Variants in TAF4B observed in about 807,000 individuals in gnomAD.
The protein encoded by TAF4B is transcription initiation factor TFIID subunit 4B.
In TAF4B, 38 loss-of-function variants were observed where a neutral mutation model predicts 86.4. The observed-to-expected ratio is 0.44, with a 90% CI of 0.34 to 0.58. TAF4B has a LOEUF of 0.58. Ranked by LOEUF, TAF4B falls within the 20% of genes least tolerant of loss-of-function variation. TAF4B has a pLI of 0.02. For synonymous variants in TAF4B, 388 were observed against 391.2 expected (o/e 0.99, Z 0.10); for missense variants, 988 against 1,027.6 (o/e 0.96, Z 0.53).
At chr18:26,237,623 G>A (rs1338215236) in intron 1 of TAF4B, among the ~76,000 whole-genome samples, 1 of 152,146 alleles carries the variant, frequency 6.6e-6, no homozygotes, top group African/African-American at 2.4e-5. Flanking sequence ...GTCCTCCTGT[G>A]GGATGTAGAT....
In TAF4B at chr18:26,227,117, C is replaced by T; in HGVS notation, c.184C>T (p.Leu62=). The T allele has an allele frequency of 6.2e-7, 1 of 1,613,510 alleles. No individual in the cohort carries two copies. The highest frequency in any genetic ancestry group is 8.5e-7 in the Non-Finnish European group (1 of 1,179,796). Residue 62 remains leucine (L), a synonymous_variant, in exon 1 of 15, where the codon CTG becomes TTG. Transcript: ENST00000269142. ...CGTGGAGCCCACGGCGTCCCAGCCCCTGCGGTCCCCCGTGGGGACCCTGGT... is the reference window on the plus strand; with the variant it reads ...CGTGGAGCCCACGGCGTCCCAGCCCTTGCGGTCCCCCGTGGGGACCCTGGT... The part of the protein sequence containing the change: ...VCVEPTASQP[L]RSPVGTLVTK...
chr18:26,298,997 G>T (rs771471356), intron 9 of TAF4B, among the ~76,000 whole-genome samples: 6 of 151,544 alleles, frequency 4.0e-5, no homozygotes, highest in Non-Finnish European at 5.9e-5. Flanking sequence ...GAGTAGCTGG[G>T]ATTACAGGCA....
At chr18:26,315,106 C>G (rs1204914090) in intron 9 of TAF4B, 123 bp from the exon 10 acceptor site, 1 of 201,052 alleles carries the variant, frequency 5.0e-6, no homozygotes, top group Non-Finnish European at 7.8e-6. Context: ...CTCTCTCTCT[C>G]TCTCTCTCTC....
intron 6 of TAF4B, among the ~76,000 whole-genome samples, chr18:26,285,210 C>CTTTTTTTTTTT (rs113394710): frequency 1.6e-4 from 7 of 42,498 alleles, no homozygotes; most frequent in African/African-American, 4.8e-4. Flanking sequence ...TCTTCCTTTC[C>CTTTTTTTTTTT]TTTTTTTTTT....
At chr18:26,340,171 G>T (rs558234536) in intron 13 of TAF4B, among the ~76,000 whole-genome samples, 2 of 152,266 alleles carry the variant, frequency 1.3e-5, no homozygotes, top group South Asian at 2.1e-4. Flanking sequence ...AACTGTTGGT[G>T]CAATTCTTCA....
chr18:26,233,360 C>T (rs2055701410), intron 1 of TAF4B, among the ~76,000 whole-genome samples: 1 of 152,078 alleles, frequency 6.6e-6, no homozygotes, highest in South Asian at 2.1e-4. Context: ...GGCGCTGCTG[C>T]AGGGGGTCCA....
At chr18:26,297,809 A>G (rs1374604612) in intron 9 of TAF4B, among the ~76,000 whole-genome samples, 1 of 152,194 alleles carries the variant, frequency 6.6e-6, no homozygotes, top group Non-Finnish European at 1.5e-5. Context: ...ACTTGTGTCT[A>G]TATCTTTGTA....
chr18:26,263,969 A>G (rs772054069), intron 1 of TAF4B, among the ~76,000 whole-genome samples: 7 of 152,204 alleles, frequency 4.6e-5, no homozygotes, highest in Non-Finnish European at 8.8e-5. Context: ...TGTGTGTGAA[A>G]TAGGCATCTG....
intron 5 of TAF4B, among the ~76,000 whole-genome samples, chr18:26,281,671 A>G (rs553754899): frequency 3.1e-4 from 47 of 152,278 alleles, no homozygotes; most frequent in Middle Eastern, 3.4e-3. Flanking sequence ...CGTGCCTTCA[A>G]TTCTTAATTG....
At chr18:26,290,245 T>C (rs2056575712) in intron 7 of TAF4B, among the ~76,000 whole-genome samples, 1 of 152,056 alleles carries the variant, frequency 6.6e-6, no homozygotes, top group Non-Finnish European at 1.5e-5. Flanking sequence ...GCTCAAGCAA[T>C]CCTCCTGCCT....
intron 1 of TAF4B, among the ~76,000 whole-genome samples, chr18:26,250,807 C>T (rs2055995696): frequency 6.6e-6 from 1 of 152,138 alleles, no homozygotes; most frequent in African/African-American, 2.4e-5. Context: ...CACCTGAAAT[C>T]TAACAACCTA....
intron 12 of TAF4B, among the ~76,000 whole-genome samples, chr18:26,330,800 C>T (rs544313933): frequency 4.1e-4 from 62 of 152,262 alleles, no homozygotes; most frequent in Non-Finnish European, 6.6e-4. Flanking sequence ...AAACTTGGTT[C>T]CCATTATCCT....
chr18:26,326,936 A>G (rs781223218), intron 11 of TAF4B, 79 bp from the exon 12 acceptor site: 160 of 1,413,956 alleles, frequency 1.1e-4, no homozygotes, highest in Non-Finnish European at 1.5e-4. Flanking sequence ...TCCTGCCTTT[A>G]GCAGGTTTAT....
At chr18:26,313,916 C>T (rs1029666103) in intron 9 of TAF4B, among the ~76,000 whole-genome samples, 7 of 152,130 alleles carry the variant, frequency 4.6e-5, no homozygotes, top group Non-Finnish European at 7.4e-5. Flanking sequence ...AATCCTCCCA[C>T]CTTGGCCTCC....
intron 13 of TAF4B, among the ~76,000 whole-genome samples, chr18:26,337,407 C>T (rs1404629871): frequency 1.4e-5 from 2 of 146,136 alleles, no homozygotes; most frequent in South Asian, 2.2e-4. Flanking sequence ...TATCTTTTTT[C>T]TTTTCTTTCT....
chr18:26,346,014 G>A (rs1161923213), intron 13 of TAF4B, among the ~76,000 whole-genome samples: 1 of 151,982 alleles, frequency 6.6e-6, no homozygotes, highest in Non-Finnish European at 1.5e-5. Flanking sequence ...TGTCACCCAG[G>A]CTGGAGTGCA....
At chr18:26,309,245 ATT>A (rs59457633) in intron 9 of TAF4B, among the ~76,000 whole-genome samples, 284 of 84,410 alleles carry the variant, frequency 3.4e-3, no homozygotes, top group African/African-American at 0.011. Context: ...ACCTGACAGT[ATT>A]TTTTTTTTTT....
intron 13 of TAF4B, among the ~76,000 whole-genome samples, chr18:26,349,430 A>C (rs1307462889): frequency 2.0e-5 from 3 of 150,836 alleles, no homozygotes; most frequent in Non-Finnish European, 4.4e-5. Context: ...AGGCAATCCC[A>C]GTTAAAATCC....
In TAF4B at chr18:26,358,567, G is replaced by A. The variant is rs181473861; in HGVS notation, c.2421+773G>A. ...CTACTAAAAATATAAAAAATTAGCCGAACGTGGTGGCGGGCACCTGTAGTC... is the reference window on the plus strand; with the variant it reads ...CTACTAAAAATATAAAAAATTAGCCAAACGTGGTGGCGGGCACCTGTAGTC... On this transcript the variant is annotated intron_variant, in intron 14 of 14. Transcript: ENST00000269142. 3.5e-3 allele frequency among the ~76,000 whole-genome samples: 535 copies of A among 152,244 alleles called. 3 individuals carry two copies. Among genetic ancestry groups the A allele is most frequent in the African/African-American group, 0.012 (498 of 41,556 alleles).
Sources: allele counts gnomAD v4.1 joint callset (sites outside exome capture counted in the v4.1 genomes callset), GRCh38; gene constraint gnomAD v4.1.1; transcripts MANE v1.5; gene names NCBI Gene and HGNC (gene_info 2026-07-23, HGNC 2026-07-21).